Variants in PRKG1 observed in about 807,000 individuals in gnomAD.
PRKG1 encodes the protein cGMP-dependent protein kinase 1.
PRKG1 carries 35 observed loss-of-function variants against 88.1 expected under a neutral mutation model. The ratio of observed to expected loss-of-function variants is 0.40; its 90% CI spans 0.30 to 0.53. The LOEUF (loss-of-function observed/expected upper bound fraction) is 0.53. PRKG1 is among the 20% of genes least tolerant of loss of function. PRKG1 has a pLI of 0.59. For synonymous variants in PRKG1, 303 were observed against 292.5 expected (o/e 1.04, Z -0.37); for missense variants, 540 against 839.8 (o/e 0.64, Z 4.41).
intron 5 of PRKG1, among the ~76,000 whole-genome samples, chr10:51,952,889 T>G (rs1843218333): frequency 6.6e-6 from 1 of 152,204 alleles, no homozygotes. Context: ...ACCATTCTGT[T>G]GCCATGTCTA....
intron 2 of PRKG1, among the ~76,000 whole-genome samples, chr10:51,381,035 T>C (rs1837077598): frequency 6.6e-6 from 1 of 151,016 alleles, no homozygotes. Context: ...TTTGGACGGG[T>C]AAATGTGTGT....
chr10:51,293,324 T>C (rs1840632307), intron 2 of PRKG1, among the ~76,000 whole-genome samples: 1 of 152,160 alleles, frequency 6.6e-6, no homozygotes, highest in Admixed American at 6.5e-5. Flanking sequence ...CCATATCATA[T>C]GCATCTTGCA....
chr10:52,023,211 C>T (rs954159845), intron 5 of PRKG1, among the ~76,000 whole-genome samples: 9 of 152,112 alleles, frequency 5.9e-5, no homozygotes, highest in African/African-American at 2.2e-4. Flanking sequence ...TGATGGTTTC[C>T]AGCTTCATCC....
intron 4 of PRKG1, among the ~76,000 whole-genome samples, chr10:51,819,598 T>G (rs892618764): frequency 5.3e-5 from 8 of 152,162 alleles, no homozygotes; most frequent in African/African-American, 1.9e-4. Flanking sequence ...CAGAGTTAGT[T>G]GAAGCTGGGT....
At chr10:52,181,308 G>A (rs1253571677) in intron 9 of PRKG1, among the ~76,000 whole-genome samples, 1 of 151,820 alleles carries the variant, frequency 6.6e-6, no homozygotes. Flanking sequence ...GAACACAGCT[G>A]CTCAGTCAGT....
intron 2 of PRKG1, among the ~76,000 whole-genome samples, chr10:51,374,015 G>A (rs1371819778): frequency 2.0e-5 from 3 of 147,456 alleles, no homozygotes; most frequent in African/African-American, 5.0e-5. Context: ...GGTGTAAGGC[G>A]CCTGTAATCC....
intron 3 of PRKG1, among the ~76,000 whole-genome samples, chr10:51,758,357 C>T (rs1303202143): frequency 6.6e-6 from 1 of 152,078 alleles, no homozygotes; most frequent in Non-Finnish European, 1.5e-5. Context: ...TATATACAAA[C>T]ACTTATTGTT....
intron 2 of PRKG1, among the ~76,000 whole-genome samples, chr10:51,326,452 T>C (rs1841595082): frequency 6.6e-6 from 1 of 152,192 alleles, no homozygotes; most frequent in South Asian, 2.1e-4. Flanking sequence ...AGTAAATAAG[T>C]TTCTGGGACA....
intron 1 of PRKG1, among the ~76,000 whole-genome samples, chr10:51,077,537 T>C (rs1843988079): frequency 6.6e-6 from 1 of 152,222 alleles, no homozygotes; most frequent in African/African-American, 2.4e-5. Flanking sequence ...TTTTTAGTTC[T>C]GGTTTCTTGG....
At chr10:51,116,972 A>G (rs914122118) in intron 1 of PRKG1, among the ~76,000 whole-genome samples, 1 of 152,202 alleles carries the variant, frequency 6.6e-6, no homozygotes, top group Non-Finnish European at 1.5e-5. Flanking sequence ...CTGTGGAATC[A>G]TAAGAGGGAA....
At chr10:51,856,113 C>T (rs1190254953) in intron 4 of PRKG1, among the ~76,000 whole-genome samples, 1 of 152,250 alleles carries the variant, frequency 6.6e-6, no homozygotes, top group East Asian at 1.9e-4. Flanking sequence ...CCCATTGACC[C>T]ATAAGGACAA....
At chr10:51,410,579 A>G (rs1489324854) in intron 2 of PRKG1, among the ~76,000 whole-genome samples, 2 of 152,082 alleles carry the variant, frequency 1.3e-5, no homozygotes, top group Non-Finnish European at 2.9e-5. Flanking sequence ...CTCAAATGTT[A>G]ATCTCCTTTG....
chr10:52,162,031 G>GT, intron 9 of PRKG1, 68 bp downstream of exon 9: 1 of 1,409,076 alleles, frequency 7.1e-7, no homozygotes, highest in Non-Finnish European at 9.9e-7. Flanking sequence ...CAAATATTTT[G>GT]TTGGACTTGA....
At chr10:51,244,448 T>C (rs1216865118) in intron 2 of PRKG1, among the ~76,000 whole-genome samples, 1 of 151,984 alleles carries the variant, frequency 6.6e-6, no homozygotes, top group Non-Finnish European at 1.5e-5. Flanking sequence ...CATATTTATT[T>C]ATAGAACATT....
chr10:52,292,073 C>A (rs201511749), intron 17 of PRKG1, among the ~76,000 whole-genome samples: 2 of 152,072 alleles, frequency 1.3e-5, no homozygotes, highest in African/African-American at 4.8e-5. Flanking sequence ...TGAGAAGTGT[C>A]GGTTCATGTC....
At chr10:51,652,878 C>A (rs1050249038) in intron 3 of PRKG1, among the ~76,000 whole-genome samples, 3 of 152,196 alleles carry the variant, frequency 2.0e-5, no homozygotes, top group Admixed American at 6.5e-5. Context: ...CTCCTCTTCT[C>A]CTACTACTCC....
At chr10:51,789,803 T>A (rs1190793691) in intron 3 of PRKG1, among the ~76,000 whole-genome samples, 1 of 152,108 alleles carries the variant, frequency 6.6e-6, no homozygotes, top group Non-Finnish European at 1.5e-5. Flanking sequence ...CTTTGCCACC[T>A]TATTAACACA....
chr10:51,964,128 G>A (rs528380688), intron 5 of PRKG1, among the ~76,000 whole-genome samples: 15 of 152,198 alleles, frequency 9.9e-5, no homozygotes, highest in South Asian at 2.1e-4. Context: ...CTGAGCTTCC[G>A]TTGTCGTGTA....
At chr10:51,294,673 T>A (rs1440809490) in intron 2 of PRKG1, among the ~76,000 whole-genome samples, 1 of 152,204 alleles carries the variant, frequency 6.6e-6, no homozygotes, top group African/African-American at 2.4e-5. Context: ...CATTGGTCAA[T>A]ATGTCTATTT....
Sources: allele counts gnomAD v4.1 joint callset (sites outside exome capture counted in the v4.1 genomes callset), GRCh38; gene constraint gnomAD v4.1.1; transcripts MANE v1.5; gene names NCBI Gene and HGNC (gene_info 2026-07-23, HGNC 2026-07-21).